EPB41L4A: variants seen among roughly 807,000 people sequenced by gnomAD.
EPB41L4A encodes band 4.1-like protein 4A.
A neutral mutation model predicts 108.6 loss-of-function variants in EPB41L4A; 100 were observed. The ratio of observed to expected loss-of-function variants is 0.92; its 90% confidence interval spans 0.78 to 1.09. EPB41L4A has a LOEUF of 1.09. EPB41L4A is among the 50% of genes least tolerant of loss of function. The pLI, the probability that EPB41L4A is intolerant of heterozygous loss-of-function variation, is 0.00. For missense variants in EPB41L4A, 1,030 were observed against 842.7 expected (o/e 1.22, Z -2.75); for synonymous variants, 319 against 289.0 (o/e 1.10, Z -1.05).
At chr5:112,272,363 G>C (rs1315207882) in intron 4 of EPB41L4A, among the ~76,000 whole-genome samples, 2 of 151,646 alleles carry the variant, frequency 1.3e-5, no homozygotes, top group African/African-American at 4.8e-5. Flanking sequence ...GGCTGGTTTC[G>C]AACTCCTGAC....
At chr5:112,257,354 C>T (rs991775082) in intron 9 of EPB41L4A, 7 of 151,966 alleles carry the variant, frequency 4.6e-5, no homozygotes, top group African/African-American at 1.7e-4. Context: ...TTAAAGATCA[C>T]TGACATTGAG....
chr5:112,252,713 G>A (rs6879187), intron 9 of EPB41L4A, among the ~76,000 whole-genome samples: 2,200 of 152,182 alleles, frequency 0.014, 46 homozygotes, highest in African/African-American at 0.05. Flanking sequence ...GGAGGCATGG[G>A]CTGAAGAACC....
At chr5:112,144,486 A>G (rs1759177071) in intron 13 of EPB41L4A, among the ~76,000 whole-genome samples, 2 of 152,166 alleles carry the variant, frequency 1.3e-5, no homozygotes, top group Non-Finnish European at 2.9e-5. Context: ...CAAGTTGCCC[A>G]GGCTGGTCTT....
chr5:112,318,913 C>T (rs553633509), intron 1 of EPB41L4A, among the ~76,000 whole-genome samples: 102 of 152,308 alleles, frequency 6.7e-4, no homozygotes, highest in South Asian at 1.5e-3. Flanking sequence ...TACTCCCCTT[C>T]AATCTCCCTA....
At chr5:112,288,172 C>G (rs1271188677) in intron 2 of EPB41L4A, among the ~76,000 whole-genome samples, 1 of 152,102 alleles carries the variant, frequency 6.6e-6, no homozygotes, top group African/African-American at 2.4e-5. Flanking sequence ...CCTTTCAAAA[C>G]AAGATCCTCT....
At chr5:112,265,747 T>G (rs1028359819) in intron 5 of EPB41L4A, among the ~76,000 whole-genome samples, 1 of 151,526 alleles carries the variant, frequency 6.6e-6, no homozygotes, top group African/African-American at 2.4e-5. Flanking sequence ...AAAATGACAA[T>G]GCATCCTGGA....
intron 1 of EPB41L4A, among the ~76,000 whole-genome samples, chr5:112,313,833 A>G (rs1755210074): frequency 1.3e-5 from 2 of 150,292 alleles, no homozygotes; most frequent in Non-Finnish European, 3.0e-5. Context: ...CATACTCCCC[A>G]ACCGCTCCAA....
intron 9 of EPB41L4A, among the ~76,000 whole-genome samples, chr5:112,258,235 T>C (rs1751245718): frequency 6.6e-6 from 1 of 152,220 alleles, no homozygotes; most frequent in African/African-American, 2.4e-5. Context: ...TCTCAGTGCA[T>C]CAGCTCATTG....
intron 1 of EPB41L4A, among the ~76,000 whole-genome samples, chr5:112,327,582 G>A (rs1456626032): frequency 6.6e-6 from 1 of 152,084 alleles, no homozygotes; most frequent in Non-Finnish European, 1.5e-5. Context: ...CAGGTATGGT[G>A]ACATACAACT....
At chr5:112,191,625 T>C (rs1339452188) in intron 17 of EPB41L4A, among the ~76,000 whole-genome samples, 1 of 150,694 alleles carries the variant, frequency 6.6e-6, no homozygotes, top group Non-Finnish European at 1.5e-5. Context: ...AAGAAAACAA[T>C]ATTTCCATGG....
rs1760502084 is a variant in EPB41L4A at position 112,170,335 on chromosome 5, C to T, written c.1705G>A (p.Glu569Lys). 6.8e-6 allele frequency: 11 copies of T among 1,613,172 alleles called. No individual in the cohort carries two copies. Among genetic ancestry groups the T allele is most frequent in the Non-Finnish European group, 6.8e-6 (8 of 1,179,534 alleles). Reference sequence around the variant, plus strand: ...GTGTATGGAATCTCTTTTAATTGTTCTTCGGACAATCCGGATGGATCCACA... The same window carrying T: ...GTGTATGGAATCTCTTTTAATTGTTTTTCGGACAATCCGGATGGATCCACA... ...ELVDPSGLSE[E>K]QLKEIPYTKI... Residue 569 changes from glutamate to lysine, a missense_variant, in exon 20 of 23, where the codon GAA becomes AAA. Transcript: ENST00000261486.
intron 1 of EPB41L4A, among the ~76,000 whole-genome samples, chr5:112,400,645 C>A (rs898524831): frequency 6.6e-6 from 1 of 152,184 alleles, no homozygotes; most frequent in African/African-American, 2.4e-5. Flanking sequence ...AGGGATCCAA[C>A]CCCATGACCC....
At chr5:112,239,493 A>T in intron 11 of EPB41L4A, 167 bp downstream of exon 11, 1 of 433,364 alleles carries the variant, frequency 2.3e-6, no homozygotes, top group Non-Finnish European at 4.1e-6. Context: ...AAATCTGGAA[A>T]ATCATGTTTG....
chr5:112,303,864 A>G (rs146915717), intron 2 of EPB41L4A, among the ~76,000 whole-genome samples: 249 of 152,286 alleles, frequency 1.6e-3, no homozygotes, highest in Non-Finnish European at 3.0e-3. Flanking sequence ...ACAGCAGCAG[A>G]TAAGGGAGGG....
At chr5:112,327,366 A>G (rs1363980268) in intron 1 of EPB41L4A, among the ~76,000 whole-genome samples, 1 of 152,196 alleles carries the variant, frequency 6.6e-6, no homozygotes, top group Non-Finnish European at 1.5e-5. Flanking sequence ...GGATGTAGCA[A>G]TGTCAAAACT....
At chr5:112,302,680 A>G (rs1048843034) in intron 2 of EPB41L4A, among the ~76,000 whole-genome samples, 1 of 152,214 alleles carries the variant, frequency 6.6e-6, no homozygotes, top group Non-Finnish European at 1.5e-5. Context: ...GAACCCATAC[A>G]GTCTGAATCC....
chr5:112,303,751 C>T (rs1309414505), intron 2 of EPB41L4A, among the ~76,000 whole-genome samples: 1 of 152,124 alleles, frequency 6.6e-6, no homozygotes, highest in African/African-American at 2.4e-5. Context: ...GGGAAAAAAG[C>T]TGCATGGTGA....
At chr5:112,317,490 C>T (rs189965562) in intron 1 of EPB41L4A, among the ~76,000 whole-genome samples, 310 of 152,288 alleles carry the variant, frequency 2.0e-3, no homozygotes, top group Middle Eastern at 6.8e-3. Flanking sequence ...TCCTGAGCTC[C>T]TTCTAATACA....
At chr5:112,352,918 C>G (rs899780343) in intron 1 of EPB41L4A, among the ~76,000 whole-genome samples, 2 of 152,182 alleles carry the variant, frequency 1.3e-5, no homozygotes, top group Non-Finnish European at 2.9e-5. Flanking sequence ...ATGTTGACAT[C>G]TGCACACCTA....
Sources: allele counts gnomAD v4.1 joint callset (sites outside exome capture counted in the v4.1 genomes callset), GRCh38; gene constraint gnomAD v4.1.1; transcripts MANE v1.5; gene names NCBI Gene and HGNC (gene_info 2026-07-23, HGNC 2026-07-21).